Variants in SETD6 observed in about 807,000 individuals in gnomAD.
SETD6 encodes N-lysine methyltransferase SETD6.
SETD6 carries 67 observed loss-of-function variants against 52.7 expected under a neutral mutation model. That is an observed-to-expected ratio of 1.27 (90% CI 1.04 to 1.56). The LOEUF is 1.56. Among genes scored for constraint, SETD6 ranks in the 40% most tolerant of loss-of-function variants. The pLI is 0.00. For synonymous variants in SETD6, 307 were observed against 250.2 expected (o/e 1.23, Z -2.14); for missense variants, 712 against 607.5 (o/e 1.17, Z -1.81).
In SETD6 at chr16:58,515,633, C is replaced by T. The variant is rs182167832; in HGVS notation, c.27+69C>T. On this transcript the variant is annotated intron_variant, in intron 1 of 7. Transcript: ENST00000219315. ...CCCCTTCTCCGTTCGCAGAACCGTC[C>T]GCCTGCGCCCCCTCCGCTCCCTCCC... is the stretch of plus-strand genomic sequence containing the variant. 1.1e-3 allele frequency: 1,509 copies of T among 1,428,252 alleles called. 1 individual carries two copies. Among genetic ancestry groups the T allele is most frequent in the Non-Finnish European group, 1.2e-3 (1,321 of 1,093,050 alleles). 88.5% of individuals were successfully genotyped at this position (1,428,252 alleles called of 1,614,324 possible).
chr16:58,515,699 C>T (rs1597373808), intron 1 of SETD6, 92 bp from the exon 2 acceptor site: 1 of 1,406,546 alleles, frequency 7.1e-7, no homozygotes, highest in East Asian at 2.9e-5. Context: ...CTCCTCCACC[C>T]AAAGCCCGTT....
At chr16:58,515,742 A>G (rs765845089) in intron 1 of SETD6, 49 bp from the exon 2 acceptor site, 62 of 1,421,678 alleles carry the variant, frequency 4.4e-5, no homozygotes, top group South Asian at 9.0e-5. Flanking sequence ...TGCAGTTCCC[A>G]GCGGCCTCTC....
Position 58,521,444 on chromosome 16 carries a change from AAG to A in SETD6, c.*2417_*2418del. 1.1e-6 allele frequency: 1 copy of A among 887,032 alleles called. No homozygotes were observed. The highest frequency in any genetic ancestry group is 1.7e-6 in the Non-Finnish European group (1 of 584,366). The allele number at this position is 887,032 out of a possible 1,614,324, so 54.9% of individuals were successfully genotyped here. A position where few individuals can be genotyped will look rare whatever the true frequency, so the allele number is the denominator to read the frequency against. The stretch of plus-strand genomic sequence containing the variant: ...CATGCAAAAGTTTTCACCTTTAGTA[AAG>A]ACAGGTGGATTAATATACTCCAAAT... On this transcript the variant is annotated 3_prime_UTR_variant, in exon 8 of 8. Transcript: ENST00000219315.
chr16:58,518,608 G>A, intron 7 of SETD6, 65 bp downstream of exon 7: 1 of 1,579,518 alleles, frequency 6.3e-7, no homozygotes, highest in South Asian at 1.2e-5. Context: ...ATAGCTAGAA[G>A]ATGAGAGAGG....
Position 58,523,305 on chromosome 16 carries a change from G to GAA in SETD6, c.*4285_*4286dup, listed in dbSNP as rs71155275. 4.0e-3 allele frequency: 5,370 copies of GAA among 1,330,768 alleles called. 2 individuals carry two copies. The highest frequency in any genetic ancestry group is 0.013 in the East Asian group (456 of 36,264). 82.4% of individuals were successfully genotyped at this position (1,330,768 alleles called of 1,614,324 possible). ...CACTGAACACTGAAAGCATAAAGAG[G>GAA]AAAAAAAAAAGATGAAAGGGAGGAG... On this transcript the variant is annotated 3_prime_UTR_variant, in exon 8 of 8. Coordinates refer to ENST00000219315, the MANE Select transcript of SETD6 (RefSeq NM_001160305.4).
Position 58,518,861 on chromosome 16 carries a change from C to CA in SETD6, c.1255dup (p.Ser419LysfsTer16), listed in dbSNP as rs766890389. ...CATCGTGGAGACAGCTGCTTCAAAA[C>CA]AGTGTTCTACTGACTTTGCAGACCT... On this transcript the variant is annotated frameshift_variant, in exon 8 of 8. Coordinates refer to ENST00000219315, the MANE Select transcript of SETD6 (RefSeq NM_001160305.4). LOFTEE classifies it high-confidence loss of function. The CA allele has an allele frequency of 3.1e-6, 5 of 1,614,062 alleles. No homozygotes were observed. The highest frequency in any genetic ancestry group is 1.1e-5 in the South Asian group (1 of 91,088).
Position 58,518,467 on chromosome 16 carries a change from T to C in SETD6, c.1040T>C (p.Met347Thr), listed in dbSNP as rs764572175. 6.3e-6 allele frequency: 10 copies of C among 1,588,160 alleles called. No individual in the cohort carries two copies. In the South Asian group the frequency reaches 8.2e-5, roughly 13 times the overall value. ...TGGGATTTCCTATGCAAACTGGAGATGGTAGGGGAAGAGGGAGCCTTTGTG... is the reference window on the plus strand; with the variant it reads ...TGGGATTTCCTATGCAAACTGGAGACGGTAGGGGAAGAGGGAGCCTTTGTG... ...ERWDFLCKLE[M>T]VGEEGAFVIG... The change falls in exon 7 of 8, where the codon ATG becomes ACG. Residue 347 changes from methionine (M) to threonine (T), a missense_variant. Met to Thr is a moderately conservative substitution (Grantham distance 81). Coordinates refer to ENST00000219315, the MANE Select transcript of SETD6 (RefSeq NM_001160305.4).
rs772231067 is a variant in SETD6 at position 58,518,254 on chromosome 16, A to T, written c.973+23A>T. 6 of 1,613,812 alleles carry T rather than the reference A, an allele frequency of 3.7e-6. No individual in the cohort carries two copies. The Admixed American group carries it at 1.0e-4, about 27-fold the overall frequency. On this transcript the variant is annotated intron_variant, in intron 6 of 7. Transcript: ENST00000219315. ...AGGGTGAGTGTATCATTAACTCAAT[A>T]TTTGACACTGATGGTGTGTCTATAC...
Position 58,519,229 on chromosome 16 carries a change from A to C in SETD6, c.*200A>C, listed in dbSNP as rs903987053. ...ATTGAGAACAGCAGACTTGGGAATC[A>C]CTGCTAATTGTTACTTAAAGCATGT... is the stretch of plus-strand genomic sequence containing the variant. On this transcript the variant is annotated 3_prime_UTR_variant, in exon 8 of 8. Coordinates refer to ENST00000219315, the MANE Select transcript of SETD6 (RefSeq NM_001160305.4). 15 of 573,372 alleles carry C rather than the reference A, an allele frequency of 2.6e-5. No homozygotes were observed. The highest frequency in any genetic ancestry group is 2.0e-4 in the Admixed American group (6 of 29,754). 35.5% of individuals were successfully genotyped at this position (573,372 alleles called of 1,614,324 possible).
rs1483537230 is a variant in SETD6, at chr16:58,520,475, CTT to C, written c.*1447_*1448del. 4 of 160,468 alleles carry C rather than the reference CTT, an allele frequency of 2.5e-5. No homozygotes were observed. Among genetic ancestry groups the C allele is most frequent in the African/African-American group, 4.8e-5 (2 of 41,588 alleles). 9.9% of individuals were successfully genotyped at this position (160,468 alleles called of 1,614,324 possible). On this transcript the variant is annotated 3_prime_UTR_variant, in exon 8 of 8. Coordinates refer to ENST00000219315, the MANE Select transcript of SETD6 (RefSeq NM_001160305.4). ...TCTAGCACATCCACATTTTTAATAA[CTT>C]AGTGATTTTCAAGGTCCCCTGTCCA...
Position 58,518,812 on chromosome 16 carries a change from TCA to T in SETD6, c.1208_1209del (p.Thr403LysfsTer31), listed in dbSNP as rs1371453063. On this transcript the variant is annotated frameshift_variant, in exon 8 of 8. Transcript: ENST00000219315. LOFTEE classifies it high-confidence loss of function. ...AAAAGGGAAGAGGGCAGCCTGACGA[TCA>T]CAAATATTCCCAAGCTCAAAGCATC... 1.2e-6 allele frequency: 2 copies of T among 1,614,148 alleles called. No homozygotes were observed. Among genetic ancestry groups the T allele is most frequent in the South Asian group, 1.1e-5 (1 of 91,082 alleles).
chr16:58,522,148 T>C lies in SETD6; in HGVS notation c.*3119T>C, dbSNP rs540802833. On this transcript the variant is annotated 3_prime_UTR_variant, in exon 8 of 8. Transcript: ENST00000219315. ...GCCTGGCCAAGATGGTGAAACCCCG[T>C]CTCTACTAAAAATACAAAAAATTAG... 2.1e-5 allele frequency among the ~76,000 whole-genome samples: 3 copies of C among 145,020 alleles called. No individual in the cohort carries two copies. Among genetic ancestry groups the C allele is most frequent in the African/African-American group, 7.8e-5 (3 of 38,356 alleles).
chr16:58,516,556 C>T lies in SETD6; in HGVS notation c.555C>T (p.Arg185=). Residue 185 remains arginine, a synonymous_variant, in exon 4 of 8, where the codon CGC becomes CGT. Transcript: ENST00000219315. Reference sequence around the variant, plus strand: ...TGGAGAAGGATTTGGCCAACATCCGCAGCGAGTACCAGTCCATCGTGCTGC... The same window carrying T: ...TGGAGAAGGATTTGGCCAACATCCGTAGCGAGTACCAGTCCATCGTGCTGC... ...EAVEKDLANI[R]SEYQSIVLPF... is the part of the protein sequence containing the mutation. 1 of 1,614,188 alleles carries T rather than the reference C, an allele frequency of 6.2e-7. No homozygotes were observed. The highest frequency in any genetic ancestry group is 2.2e-5 in the East Asian group (1 of 44,864).
At chr16:58,516,130 G>C in intron 2 of SETD6, 33 bp downstream of exon 2, 1 of 1,166,674 alleles carries the variant, frequency 8.6e-7, no homozygotes, top group Non-Finnish European at 1.0e-6. Context: ...GCCCTGGGGC[G>C]GGGCGGGGCG....
chr16:58,518,870 A>T lies in SETD6; in HGVS notation c.1263A>T (p.Leu421=). The change falls in exon 8 of 8, where the codon CTA becomes CTT. Residue 421 remains leucine (L), a synonymous_variant. Coordinates refer to ENST00000219315, the MANE Select transcript of SETD6 (RefSeq NM_001160305.4). ...SWRQLLQNSV[L]LTLQTYATDL... is the part of the protein sequence containing the mutation. ...GACAGCTGCTTCAAAACAGTGTTCT[A>T]CTGACTTTGCAGACCTATGCCACAG... 6.2e-7 allele frequency: 1 copy of T among 1,614,230 alleles called. No individual in the cohort carries two copies.
rs754340610 is a variant in SETD6, at chr16:58,518,248, C to T, written c.973+17C>T. 1.9e-6 allele frequency: 3 copies of T among 1,613,890 alleles called. No homozygotes were observed. In the East Asian group the frequency reaches 6.7e-5, roughly 36 times the overall value. ...CATTACAGGGTGAGTGTATCATTAA[C>T]TCAATATTTGACACTGATGGTGTGT... On this transcript the variant is annotated intron_variant, in intron 6 of 7. Transcript: ENST00000219315.
At position 58,516,093 on chromosome 16, in the gene SETD6, G is replaced by A; in HGVS notation, c.330G>A (p.Glu110=). 7.2e-7 allele frequency: 1 copy of A among 1,387,734 alleles called. No homozygotes were observed. Among genetic ancestry groups the A allele is most frequent in the South Asian group, 1.6e-5 (1 of 62,160 alleles). 86.0% of individuals were successfully genotyped at this position (1,387,734 alleles called of 1,614,324 possible). A position where few individuals can be genotyped will look rare whatever the true frequency, so the allele number is the denominator to read the frequency against. Residue 110 remains glutamate (E), a synonymous_variant, in exon 2 of 8, where the codon GAG becomes GAA. Coordinates refer to ENST00000219315, the MANE Select transcript of SETD6 (RefSeq NM_001160305.4). The part of the protein sequence containing the change: ...QHTCSIGGLL[E]RERVALQSQS... Reference sequence around the variant, plus strand: ...CCTGCTCCATCGGCGGCCTGCTGGAGCGAGGTGGGCACGGCGGCGGGCTAG... The same window carrying A: ...CCTGCTCCATCGGCGGCCTGCTGGAACGAGGTGGGCACGGCGGCGGGCTAG...
At chr16:58,517,945 C>A in intron 5 of SETD6, 106 bp from the exon 6 acceptor site, 1 of 1,369,812 alleles carries the variant, frequency 7.3e-7, no homozygotes, top group Non-Finnish European at 1.0e-6. Context: ...TTAACAGCAT[C>A]AGTCATGGCT....
In SETD6 at chr16:58,519,577, GAC is replaced by G. The variant is rs1183162358; in HGVS notation, c.*550_*551del. 6.6e-6 allele frequency: 1 copy of G among 151,524 alleles called. No individual in the cohort carries two copies. Among genetic ancestry groups the G allele is most frequent in the Admixed American group, 6.6e-5 (1 of 15,234 alleles). The allele number at this position is 151,524 out of a possible 1,614,324, so 9.4% of individuals were successfully genotyped here. A position where few individuals can be genotyped will look rare whatever the true frequency, so the allele number is the denominator to read the frequency against. ...TTTGTCCTCTCTGGCCATAAAACTT[GAC>G]AGTCATGAAAGGTAAGGCAAATTTT... On this transcript the variant is annotated 3_prime_UTR_variant, in exon 8 of 8. Transcript: ENST00000219315.
Sources: gnomAD v4.1 joint callset for allele counts (sites outside exome capture counted in the v4.1 genomes callset) on GRCh38, gnomAD v4.1.1 for gene constraint, MANE v1.5 for transcripts, NCBI Gene and HGNC (gene_info 2026-07-23, HGNC 2026-07-21) for gene names.